The following TBC1D5 variants were observed in gnomAD, a reference collection of about 807,000 sequenced individuals.
The protein encoded by TBC1D5 is TBC1 domain family, member 5.
In TBC1D5, 75 loss-of-function variants were observed where a neutral mutation model predicts 100.3. The observed-to-expected ratio is 0.75, with a 90% CI of 0.62 to 0.91. The LOEUF (loss-of-function observed/expected upper bound fraction) is 0.91, where lower values mean the gene tolerates loss of function less well. Ranked by LOEUF, TBC1D5 falls within the 40% of genes least tolerant of loss-of-function variation. The pLI is 0.00. For missense variants in TBC1D5, 910 were observed against 942.4 expected (o/e 0.97, Z 0.45); for synonymous variants, 323 against 325.6 (o/e 0.99, Z 0.09).
At chr3:17,549,963 GAAT>G (rs988911819) in intron 2 of TBC1D5, among the ~76,000 whole-genome samples, 6 of 150,026 alleles carry the variant, frequency 4.0e-5, no homozygotes, top group Non-Finnish European at 5.9e-5. Context: ...GTAATAATAA[GAAT>G]AATAATAATA....
intron 3 of TBC1D5, among the ~76,000 whole-genome samples, chr3:17,490,854 T>C (rs1283655938): frequency 2.0e-5 from 3 of 152,374 alleles, no homozygotes; most frequent in Admixed American, 1.3e-4. Flanking sequence ...AGAATGTCAA[T>C]GGTAATTTAA....
chr3:17,313,854 G>A (rs1434728515), intron 13 of TBC1D5, among the ~76,000 whole-genome samples: 1 of 152,186 alleles, frequency 6.6e-6, no homozygotes, highest in Non-Finnish European at 1.5e-5. Flanking sequence ...AAAATCCACA[G>A]ATGGGTACCT....
chr3:17,316,185 C>A (rs1184175743), intron 13 of TBC1D5, among the ~76,000 whole-genome samples: 1 of 152,114 alleles, frequency 6.6e-6, no homozygotes, highest in Non-Finnish European at 1.5e-5. Flanking sequence ...TCAGCCTATG[C>A]CTGTCCCCAG....
At chr3:17,595,611 G>C (rs1432316385) in intron 2 of TBC1D5, among the ~76,000 whole-genome samples, 1 of 152,154 alleles carries the variant, frequency 6.6e-6, no homozygotes, top group African/African-American at 2.4e-5. Context: ...AATCTTCACA[G>C]TAATCTTAAA....
At chr3:17,382,090 G>A (rs2092968602) in intron 9 of TBC1D5, among the ~76,000 whole-genome samples, 1 of 151,604 alleles carries the variant, frequency 6.6e-6, no homozygotes, top group Non-Finnish European at 1.5e-5. Context: ...CAAATTCTAT[G>A]GTAATTCCAA....
chr3:17,439,212 C>T (rs2094592722), intron 3 of TBC1D5, among the ~76,000 whole-genome samples: 2 of 151,964 alleles, frequency 1.3e-5, no homozygotes, highest in Non-Finnish European at 2.9e-5. Context: ...TCTGTTAACC[C>T]GAAGTACATA....
chr3:17,249,335 A>G (rs1303264393), intron 16 of TBC1D5, among the ~76,000 whole-genome samples: 2 of 152,196 alleles, frequency 1.3e-5, no homozygotes, highest in African/African-American at 4.8e-5. Flanking sequence ...CCAGTTTTTG[A>G]TATAAAGTGA....
rs1400067883 is a variant in TBC1D5, at chr3:17,361,442, CA to C, written c.995+10632del. Among the ~76,000 whole-genome samples, 70 of 152,040 alleles carry C rather than the reference CA, an allele frequency of 4.6e-4. 1 individual carries two copies. The highest frequency in any genetic ancestry group is 1.3e-4 in the Non-Finnish European group (9 of 67,952). ...CCAATTTGACCTGACATTTATAGAA[CA>C]TTCCATTCAACAATAGTAGAATAAA... On this transcript the variant is annotated intron_variant, in intron 13 of 21. Transcript: ENST00000253692.
chr3:17,522,857 T>G (rs1291075126), intron 2 of TBC1D5, among the ~76,000 whole-genome samples: 1 of 152,198 alleles, frequency 6.6e-6, no homozygotes, highest in Admixed American at 6.5e-5. Context: ...AATCATTGCA[T>G]AAATAATTTT....
chr3:17,347,730 C>T (rs1354228330), intron 13 of TBC1D5, among the ~76,000 whole-genome samples: 1 of 151,986 alleles, frequency 6.6e-6, no homozygotes, highest in African/African-American at 2.4e-5. Flanking sequence ...TCCCTTGGGA[C>T]AAGAGTAGAG....
chr3:17,537,972 T>C (rs749691055), intron 2 of TBC1D5, among the ~76,000 whole-genome samples: 1 of 152,140 alleles, frequency 6.6e-6, no homozygotes, highest in Non-Finnish European at 1.5e-5. Context: ...GTTTTATACA[T>C]TTTAGGAAGA....
At chr3:17,232,689 C>G (rs573110983) in intron 17 of TBC1D5, among the ~76,000 whole-genome samples, 1 of 152,162 alleles carries the variant, frequency 6.6e-6, no homozygotes, top group South Asian at 2.1e-4. Flanking sequence ...CCTCTATTGC[C>G]ACAATGTGGT....
upstream of TBC1D5, among the ~76,000 whole-genome samples, chr3:17,742,120 G>A (rs931745213): frequency 2.0e-5 from 3 of 152,174 alleles, no homozygotes; most frequent in African/African-American, 7.2e-5. Flanking sequence ...GACCTCCTGG[G>A]GCAGGGAAAG....
At chr3:17,291,953 G>C in exon 15 of TBC1D5, 1 of 1,613,938 alleles carries the variant, frequency 6.2e-7, no homozygotes, top group Non-Finnish European at 8.5e-7. Flanking sequence ...CCCGATGAAT[G>C]GGTAATGCAT....
intron 2 of TBC1D5, among the ~76,000 whole-genome samples, chr3:17,540,982 T>C (rs996147066): frequency 1.3e-5 from 2 of 151,608 alleles, no homozygotes; most frequent in Admixed American, 6.6e-5. Context: ...CATGAGGTTT[T>C]ATTTCTGGGC....
At chr3:17,290,187 T>A (rs1226791201) in intron 15 of TBC1D5, among the ~76,000 whole-genome samples, 1 of 152,198 alleles carries the variant, frequency 6.6e-6, no homozygotes, top group Non-Finnish European at 1.5e-5. Flanking sequence ...CTTTTTTGGA[T>A]ACACTATTAT....
chr3:17,637,589 A>G (rs897153245), intron 1 of TBC1D5, among the ~76,000 whole-genome samples: 1 of 151,994 alleles, frequency 6.6e-6, no homozygotes, highest in Admixed American at 6.6e-5. Flanking sequence ...AAAGATCATC[A>G]CCTCAGTAGA....
chr3:17,365,910 A>T (rs1322060092), intron 13 of TBC1D5, among the ~76,000 whole-genome samples: 1 of 152,216 alleles, frequency 6.6e-6, no homozygotes, highest in East Asian at 1.9e-4. Context: ...TTTAATCTAA[A>T]TAAGGCTTTA....
chr3:17,226,548 C>T (rs2074926351), intron 17 of TBC1D5, among the ~76,000 whole-genome samples: 2 of 152,098 alleles, frequency 1.3e-5, no homozygotes, highest in South Asian at 4.1e-4. Flanking sequence ...TGCCCAAGGT[C>T]ATGCCCCTTA....
Sources: gnomAD v4.1 joint callset for allele counts (sites outside exome capture counted in the v4.1 genomes callset) on GRCh38, gnomAD v4.1.1 for gene constraint, MANE v1.5 for transcripts, NCBI Gene and HGNC (gene_info 2026-07-23, HGNC 2026-07-21) for gene names.